IVD: variants seen among roughly 807,000 people sequenced by gnomAD.
IVD encodes the protein isovaleryl-CoA dehydrogenase, mitochondrial.
IVD carries 31 observed loss-of-function variants against 51.3 expected under a neutral mutation model. The ratio of observed to expected loss-of-function variants is 0.60; its 90% CI spans 0.45 to 0.81. The LOEUF (loss-of-function observed/expected upper bound fraction) is 0.81, where lower values mean the gene tolerates loss of function less well. Among genes scored for constraint, IVD ranks in the 40% least tolerant of loss-of-function variants. The pLI, the probability that IVD is intolerant of heterozygous loss-of-function variation, is 0.00. For synonymous variants in IVD, 205 were observed against 219.4 expected (o/e 0.93, Z 0.58); for missense variants, 475 against 552.0 (o/e 0.86, Z 1.40).
intron 3 of IVD, 88 bp downstream of exon 3, chr15:40,408,078 T>C: frequency 7.5e-7 from 1 of 1,329,010 alleles, no homozygotes; most frequent in Non-Finnish European, 1.1e-6. Flanking sequence ...AAGGGAAAGA[T>C]TGTGCTTAAA....
downstream of IVD, among the ~76,000 whole-genome samples, chr15:40,426,355 T>G (rs1306915149): frequency 6.6e-6 from 1 of 151,760 alleles, no homozygotes; most frequent in Admixed American, 6.6e-5. Flanking sequence ...CTGGCCAACA[T>G]GGTGAAACCC....
intron 3 of IVD, among the ~76,000 whole-genome samples, chr15:40,408,348 C>T (rs1243400336): frequency 6.6e-6 from 1 of 152,208 alleles, no homozygotes; most frequent in African/African-American, 2.4e-5. Context: ...TACTGCCTCC[C>T]CTAATCCCTA....
At chr15:40,409,023 TCTC>T (rs540989093) in intron 3 of IVD, among the ~76,000 whole-genome samples, 88 of 152,208 alleles carry the variant, frequency 5.8e-4, no homozygotes, top group African/African-American at 2.0e-3. Context: ...CCAATATACT[TCTC>T]CTTACATCCT....
At position 40,416,293 on chromosome 15, in the gene IVD, T is replaced by C. The variant is rs760822119; in HGVS notation, c.1069T>C (p.Cys357Arg). Residue 357 changes from cysteine to arginine, a missense_variant, in exon 11 of 12, where the codon TGT (cysteine) becomes CGT (arginine). Physicochemically the swap from Cys to Arg is radical, Grantham distance 180. Coordinates refer to ENST00000487418, the MANE Select transcript of IVD (RefSeq NM_002225.5). ...CDEGHCTAKD[C>R]AGVILYSAEC... ...TGACCCCAGCTTCCTCCCGTAGGAC[T>C]GTGCAGGTGTGATTCTTTACTCAGC... The C allele has an allele frequency of 6.2e-7, 1 of 1,614,242 alleles. No homozygotes were observed. Among genetic ancestry groups the C allele is most frequent in the Non-Finnish European group, 8.5e-7 (1 of 1,180,034 alleles).
chr15:40,411,468 G>A, intron 5 of IVD, 87 bp from the exon 6 acceptor site: 2 of 1,603,830 alleles, frequency 1.2e-6, no homozygotes, highest in African/African-American at 1.3e-5. Flanking sequence ...TCTCAAAGGT[G>A]GACAGCTTCT....
chr15:40,413,868 TG>T (rs1295323172), intron 7 of IVD, among the ~76,000 whole-genome samples: 2 of 152,036 alleles, frequency 1.3e-5, no homozygotes, highest in African/African-American at 4.8e-5. Flanking sequence ...ATTTTTTGTT[TG>T]TTTTTTTGAG....
At chr15:40,428,477 T>C (rs1892792568), downstream of IVD, among the ~76,000 whole-genome samples, 1 of 152,118 alleles carries the variant, frequency 6.6e-6, no homozygotes, top group Admixed American at 6.5e-5. Flanking sequence ...CCCTCTCCCC[T>C]GGTACCCTCC....
chr15:40,424,078 A>C, downstream of IVD: 1 of 1,088,106 alleles, frequency 9.2e-7, no homozygotes, highest in Non-Finnish European at 1.2e-6. Flanking sequence ...CTAGCCTGGT[A>C]TCTCTTAAAT....
At chr15:40,434,643 G>C (rs780565437) in intron 8 of IVD, among the ~76,000 whole-genome samples, 1 of 152,206 alleles carries the variant, frequency 6.6e-6, no homozygotes, top group Non-Finnish European at 1.5e-5. Context: ...GTGGAATTGA[G>C]CTTCAGGAGA....
At chr15:40,425,966 A>ATTTTT (rs35191817), downstream of IVD, among the ~76,000 whole-genome samples, 2 of 140,616 alleles carry the variant, frequency 1.4e-5, no homozygotes. Flanking sequence ...CAGTCCGGCT[A>ATTTTT]TTTTTTTTTT....
downstream of IVD, among the ~76,000 whole-genome samples, chr15:40,425,531 TTTTG>T (rs200175648): frequency 9.3e-4 from 141 of 151,808 alleles, no homozygotes; most frequent in East Asian, 0.019. Context: ...TTCTTGGTTT[TTTTG>T]TTTGTTTGTT....
At chr15:40,406,098 G>A in intron 1 of IVD, 127 bp downstream of exon 1, 1 of 1,538,660 alleles carries the variant, frequency 6.5e-7, no homozygotes, top group Non-Finnish European at 8.8e-7. Context: ...TGGGCCGTTG[G>A]GAGCGCCAGC....
intron 8 of IVD, among the ~76,000 whole-genome samples, chr15:40,434,723 G>A (rs1352466388): frequency 6.6e-6 from 1 of 152,164 alleles, no homozygotes; most frequent in African/African-American, 2.4e-5. Context: ...GATTCTGGAG[G>A]ACTCTGGGAG....
In IVD at chr15:40,410,797, G is replaced by A. The variant is rs886044117; in HGVS notation, c.456G>A (p.Lys152=). 4 of 1,613,962 alleles carry A rather than the reference G, an allele frequency of 2.5e-6. No individual in the cohort carries two copies. The African/African-American group carries it at 5.3e-5, about 22-fold the overall frequency. ...CCCAGAAAGAGAAGTATCTCCCGAA[G>A]GTGAGGAAATGGAAATGTAATACAC... ...NEAQKEKYLP[K]LISGEYIGAL... Residue 152 remains lysine (K), a splice_region_variant and synonymous_variant, in exon 4 of 12, where the codon AAG becomes AAA. Coordinates refer to ENST00000487418, the MANE Select transcript of IVD (RefSeq NM_002225.5).
downstream of IVD, among the ~76,000 whole-genome samples, chr15:40,426,226 T>C (rs1335296468): frequency 6.6e-6 from 1 of 152,162 alleles, no homozygotes; most frequent in African/African-American, 2.4e-5. Context: ...TTGGGCTGTT[T>C]CCAGTTTGGG....
Position 40,418,303 on chromosome 15 carries a change from CT to C in IVD, c.*43del. On this transcript the variant is annotated 3_prime_UTR_variant, in exon 12 of 12. Transcript: ENST00000487418. ...GCCCCCTTTTCCTGCACCTAGTGGCCTTTCTTGGGAAGTAGAGATGTGGCGG... is the reference window on the plus strand; with the variant it reads ...GCCCCCTTTTCCTGCACCTAGTGGCCTTCTTGGGAAGTAGAGATGTGGCGG... The C allele has an allele frequency of 6.2e-7, 1 of 1,612,432 alleles. No individual in the cohort carries two copies.
chr15:40,415,192 G>C, intron 8 of IVD: 2 of 738,418 alleles, frequency 2.7e-6, no homozygotes, highest in South Asian at 3.5e-5. Flanking sequence ...CAAAAGGCCT[G>C]AGGAGCAGGG....
chr15:40,422,617 T>A (rs1203314022), downstream of IVD, among the ~76,000 whole-genome samples: 1 of 96,238 alleles, frequency 1.0e-5, no homozygotes, highest in African/African-American at 4.0e-5. Context: ...TTTTTTTTTT[T>A]AAGACGGAGT....
chr15:40,413,025 A>G lies in IVD; in HGVS notation c.722A>G (p.Asp241Gly). 4 of 1,614,098 alleles carry G rather than the reference A, an allele frequency of 2.5e-6. No homozygotes were observed. In the South Asian group the frequency reaches 3.3e-5, roughly 13 times the overall value. ...GGCTTTAGCACCTCTAAGAAGCTGG[A>G]CAAGCTGGGGATGAGGGGCTCTAAC... ...MPGFSTSKKL[D>G]KLGMRGSNTC... Residue 241 changes from aspartate (D) to glycine (G), a missense_variant, in exon 7 of 12, where the codon GAC (aspartate) becomes GGC (glycine). By Grantham distance (94) the Asp-to-Gly change is moderately conservative. Transcript: ENST00000487418.
Sources: gnomAD v4.1 joint callset for allele counts (sites outside exome capture counted in the v4.1 genomes callset) on GRCh38, gnomAD v4.1.1 for gene constraint, MANE v1.5 for transcripts, NCBI Gene and HGNC (gene_info 2026-07-23, HGNC 2026-07-21) for gene names.